NUP210: variants seen among roughly 807,000 people sequenced by gnomAD.
NUP210 encodes nucleoporin 210, also known as nuclear pore membrane glycoprotein 210.
In NUP210, 151 loss-of-function variants were observed where a neutral mutation model predicts 196.0. The ratio of observed to expected loss-of-function variants is 0.77; its 90% confidence interval spans 0.67 to 0.88. NUP210 has a LOEUF of 0.88. NUP210 is among the 40% of genes least tolerant of loss of function. The pLI is 0.00. For missense variants in NUP210, 2,314 were observed against 2,493.7 expected, an observed-to-expected ratio of 0.93 and a Z score of 1.53; for synonymous variants, 1,070 against 1,052.7, an observed-to-expected ratio of 1.02 and a Z score of -0.32.
At chr3:13,377,363 G>T in intron 9 of NUP210, 93 bp downstream of exon 9, 1 of 873,190 alleles carries the variant, frequency 1.1e-6, no homozygotes, top group South Asian at 1.4e-5. Context: ...GCCTGCATGG[G>T]GGCTCCTGTT....
At chr3:13,358,140 G>A (rs1204549755) in intron 16 of NUP210, 82 bp downstream of exon 16, 37 of 1,312,928 alleles carry the variant, frequency 2.8e-5, no homozygotes, top group Admixed American at 2.2e-4. Flanking sequence ...TGCAATGCTC[G>A]GGACCATGGG....
chr3:13,365,479 C>G (rs1183723198), intron 14 of NUP210, among the ~76,000 whole-genome samples: 1 of 152,232 alleles, frequency 6.6e-6, no homozygotes, highest in East Asian at 1.9e-4. Context: ...TGGATGCACA[C>G]TAGGCCAGGG....
chr3:13,352,509 G>A (rs1430662497), intron 18 of NUP210, among the ~76,000 whole-genome samples: 1 of 152,250 alleles, frequency 6.6e-6, no homozygotes, highest in African/African-American at 2.4e-5. Context: ...CAAAGGGTCA[G>A]CTTCAGAGCA....
intron 20 of NUP210, among the ~76,000 whole-genome samples, chr3:13,346,230 C>T (rs1395743914): frequency 1.3e-5 from 2 of 152,214 alleles, no homozygotes; most frequent in East Asian, 1.9e-4. Context: ...GCTGTAAGGG[C>T]GTGCCCACCA....
intron 15 of NUP210, among the ~76,000 whole-genome samples, chr3:13,359,048 G>C (rs1429374839): frequency 6.6e-6 from 1 of 152,216 alleles, no homozygotes; most frequent in Non-Finnish European, 1.5e-5. Flanking sequence ...CCCATCTTGA[G>C]GTAGCACCCT....
chr3:13,329,318 G>A (rs975819684), intron 30 of NUP210, among the ~76,000 whole-genome samples: 19 of 152,180 alleles, frequency 1.2e-4, no homozygotes, highest in East Asian at 3.9e-4. Flanking sequence ...AATCCTCCTC[G>A]ATCGCAGGGG....
At chr3:13,335,978 C>T (rs1299439390) in intron 27 of NUP210, among the ~76,000 whole-genome samples, 2 of 152,256 alleles carry the variant, frequency 1.3e-5, no homozygotes, top group Non-Finnish European at 2.9e-5. Flanking sequence ...TCCCTGCAGA[C>T]TATTCTGTTT....
At chr3:13,327,134 C>A (rs1696789409) in intron 32 of NUP210, 83 bp downstream of exon 32, 1 of 1,101,852 alleles carries the variant, frequency 9.1e-7, no homozygotes, top group Non-Finnish European at 1.3e-6. Flanking sequence ...GTGACTGGTG[C>A]CGAGCCCCTG....
rs1032732374 is a variant in NUP210 at position 13,348,161 on chromosome 3, T to A, written c.2835+3718A>T. 2 of 154,020 alleles carry A rather than the reference T, an allele frequency of 1.3e-5. No homozygotes were observed. Among genetic ancestry groups the A allele is most frequent in the African/African-American group, 4.8e-5 (2 of 41,492 alleles). 9.5% of individuals were successfully genotyped at this position (154,020 alleles called of 1,614,324 possible). A position where few individuals can be genotyped will look rare whatever the true frequency, so the allele number is the denominator to read the frequency against. Reference sequence around the variant, plus strand: ...CAGAACTGCAGAGGCACTCCTAGAATTGCAGCATTTTAGGATTCAAGAGGG... The same window carrying A: ...CAGAACTGCAGAGGCACTCCTAGAAATGCAGCATTTTAGGATTCAAGAGGG... On this transcript the variant is annotated intron_variant, in intron 20 of 39. Coordinates refer to ENST00000254508, the MANE Select transcript of NUP210 (RefSeq NM_024923.4). This position sits in a 1 kb window ranked among gnomAD's most constrained non-coding sequence, Gnocchi z 4.0.
chr3:13,404,743 C>G (rs1019658205), intron 1 of NUP210, among the ~76,000 whole-genome samples: 2 of 152,194 alleles, frequency 1.3e-5, no homozygotes, highest in African/African-American at 4.8e-5. Context: ...CAGGATGGGC[C>G]TTAGAAAAAC....
intron 1 of NUP210, among the ~76,000 whole-genome samples, chr3:13,419,049 A>C (rs563385380): frequency 6.6e-6 from 1 of 152,174 alleles, no homozygotes; most frequent in South Asian, 2.1e-4. Context: ...TCACACTTAC[A>C]TACACGCACA....
At chr3:13,335,163 G>A (rs1312746439) in intron 28 of NUP210, among the ~76,000 whole-genome samples, 1 of 152,220 alleles carries the variant, frequency 6.6e-6, no homozygotes, top group Non-Finnish European at 1.5e-5. Flanking sequence ...AGAATTCTTT[G>A]CTCTTTTGGC....
At position 13,319,859 on chromosome 3, in the gene NUP210, A is replaced by G; in HGVS notation, c.5287T>C (p.Ser1763Pro). The part of the protein sequence containing the change: ...DPAAGSQGPL[S>P]TTLTFSSPVT... ...GGGCTGGAGAAGGTCAGGGTAGTGG[A>G]CAGAGGCCCTTGGCTGCCAGCCGCG... is the stretch of plus-strand genomic sequence containing the variant. The change falls in exon 37 of 40, where the codon TCC (serine) becomes CCC (proline). Residue 1763 changes from serine (S) to proline (P), a missense_variant. Ser to Pro is a moderately conservative substitution (Grantham distance 74). Transcript: ENST00000254508. 1.2e-6 allele frequency: 2 copies of G among 1,614,200 alleles called. No individual in the cohort carries two copies. Among genetic ancestry groups the G allele is most frequent in the Non-Finnish European group, 1.7e-6 (2 of 1,180,036 alleles).
Position 13,340,547 on chromosome 3 carries a change from TA to T in NUP210, c.3229-250del, listed in dbSNP as rs1697433603. Among the ~76,000 whole-genome samples the T allele has an allele frequency of 6.6e-6, 1 of 152,116 alleles. No homozygotes were observed. Among genetic ancestry groups the T allele is most frequent in the African/African-American group, 2.4e-5 (1 of 41,416 alleles). On this transcript the variant is annotated intron_variant, in intron 23 of 39. Coordinates refer to ENST00000254508, the MANE Select transcript of NUP210 (RefSeq NM_024923.4). The surrounding 1 kb of genome is among the most constrained non-coding windows in gnomAD (Gnocchi z 4.0). ...ACTGTGTTTCACTTTCCCTAGATGT[TA>T]AAACCCAAAAGCTGGGCCGTCCCCT...
Position 13,378,974 on chromosome 3 carries a change from C to A in NUP210, c.983G>T (p.Arg328Leu). ...GGGTAACCTAGAAGCACCTTGCATG[C>A]GAATACCTGAATTTTGAATTAAGGG... ...SSLVLGHRSI[R>L]MQGASRLPNS... The change falls in exon 8 of 40, where the codon CGC becomes CTC. Residue 328 changes from arginine (R) to leucine (L), a missense_variant. Arg to Leu is a moderately radical substitution (Grantham distance 102). Transcript: ENST00000254508. 5 of 1,613,796 alleles carry A rather than the reference C, an allele frequency of 3.1e-6. No homozygotes were observed. Among genetic ancestry groups the A allele is most frequent in the Non-Finnish European group, 4.2e-6 (5 of 1,179,736 alleles).
chr3:13,319,872 G>A lies in NUP210; in HGVS notation c.5274C>T (p.Ser1758=). The change falls in exon 37 of 40, where the codon AGC becomes AGT. Residue 1758 remains serine, a synonymous_variant. Transcript: ENST00000254508. ...TVGVLDPAAG[S]QGPLSTTLTF... ...TCAGGGTAGTGGACAGAGGCCCTTG[G>A]CTGCCAGCCGCGGGGTCCAAGACGC... 6.2e-7 allele frequency: 1 copy of A among 1,614,200 alleles called. No homozygotes were observed. Among genetic ancestry groups the A allele is most frequent in the Non-Finnish European group, 8.5e-7 (1 of 1,180,040 alleles).
At position 13,358,384 on chromosome 3, in the gene NUP210, C is replaced by T; in HGVS notation, c.2166G>A (p.Leu722=). 6.2e-7 allele frequency: 1 copy of T among 1,610,996 alleles called. No homozygotes were observed. The highest frequency in any genetic ancestry group is 8.5e-7 in the Non-Finnish European group (1 of 1,178,108). ...TGAGGCTGGGCTTGTTCCCCACCGA[C>T]AGGGCGATGACCTGGTAGGGCACAG... ...CQALGEQVIA[L]SVGNKPSLTN... is the part of the protein sequence containing the mutation. Residue 722 remains leucine, a synonymous_variant, in exon 16 of 40, where the codon CTG becomes CTA. Transcript: ENST00000254508.
At chr3:13,400,326 G>C (rs1287360939) in intron 1 of NUP210, among the ~76,000 whole-genome samples, 4 of 152,090 alleles carry the variant, frequency 2.6e-5, no homozygotes, top group Non-Finnish European at 5.9e-5. Flanking sequence ...AACCCCAACG[G>C]GTTCCACTAA....
chr3:13,385,294 C>A (rs946681082), intron 6 of NUP210, among the ~76,000 whole-genome samples: 1 of 152,168 alleles, frequency 6.6e-6, no homozygotes, highest in Admixed American at 6.5e-5. Context: ...ACAGGTGGAA[C>A]CAACCTACCA....
Sources: allele counts gnomAD v4.1 joint callset (sites outside exome capture counted in the v4.1 genomes callset), GRCh38; gene constraint gnomAD v4.1.1; non-coding constraint Gnocchi (gnomAD v3.1); transcripts MANE v1.5; gene names NCBI Gene and HGNC (gene_info 2026-07-23, HGNC 2026-07-21).